Variants in SLC44A3 observed in about 807,000 individuals in gnomAD.
SLC44A3 encodes the protein choline transporter-like protein 3.
SLC44A3 carries 74 observed loss-of-function variants against 75.4 expected under a neutral mutation model. That is an observed-to-expected ratio of 0.98 (90% CI 0.81 to 1.19). SLC44A3 has a LOEUF of 1.19. Among genes scored for constraint, SLC44A3 ranks in the 50% most tolerant of loss-of-function variants. The probability of loss-of-function intolerance (pLI) is 0.00; values close to 1 mark genes in which losing one functional copy is unlikely to be tolerated. For missense variants in SLC44A3, 700 were observed against 778.6 expected (o/e 0.90, Z 1.20); for synonymous variants, 310 against 296.9 (o/e 1.04, Z -0.45).
chr1:94,820,605 A>T lies in SLC44A3; in HGVS notation c.27+127A>T, dbSNP rs375580170. 5.4e-5 allele frequency: 75 copies of T among 1,388,344 alleles called. 1 individual carries two copies. In the East Asian group the frequency reaches 1.8e-3, roughly 33 times the overall value. 86.0% of individuals were successfully genotyped at this position (1,388,344 alleles called of 1,614,324 possible). A position where few individuals can be genotyped will look rare whatever the true frequency, so the allele number is the denominator to read the frequency against. On this transcript the variant is annotated intron_variant, in intron 1 of 14. Coordinates refer to ENST00000271227, the MANE Select transcript of SLC44A3 (RefSeq NM_001114106.3). ...CGCCTCGGGGATCCCGCCCCCGCTTAGTACCTTGGGGCCACCTGGCGGGGA... is the reference window on the plus strand; with the variant it reads ...CGCCTCGGGGATCCCGCCCCCGCTTTGTACCTTGGGGCCACCTGGCGGGGA...
intron 10 of SLC44A3, among the ~76,000 whole-genome samples, chr1:94,858,978 C>A (rs908029032): frequency 6.6e-6 from 1 of 152,114 alleles, no homozygotes; most frequent in Non-Finnish European, 1.5e-5. Flanking sequence ...GGATGAGCCA[C>A]GACACCCGGC....
chr1:94,852,297 G>C (rs576621801), intron 9 of SLC44A3, among the ~76,000 whole-genome samples: 2 of 152,304 alleles, frequency 1.3e-5, no homozygotes, highest in African/African-American at 4.8e-5. Context: ...AAATGCATGA[G>C]GGGGCAGGGT....
chr1:94,891,338 G>A (rs1348107915), intron 13 of SLC44A3, 71 bp downstream of exon 13: 1 of 1,481,030 alleles, frequency 6.8e-7, no homozygotes, highest in Non-Finnish European at 9.1e-7. Context: ...TGGTTTGAAA[G>A]GGAACTATAT....
At chr1:94,839,866 G>T in intron 6 of SLC44A3, 82 bp from the exon 7 acceptor site, 1 of 937,074 alleles carries the variant, frequency 1.1e-6, no homozygotes, top group African/African-American at 1.6e-5. Flanking sequence ...CTGTTCTGGA[G>T]GGTTTTGTCA....
chr1:94,867,151 C>G (rs1667254487), intron 11 of SLC44A3, among the ~76,000 whole-genome samples, 180 bp from the exon 12 acceptor site: 1 of 152,090 alleles, frequency 6.6e-6, no homozygotes, highest in African/African-American at 2.4e-5. Context: ...AGAAATGTTG[C>G]TCCTCAGTAA....
At chr1:94,825,025 G>A (rs773032305) in intron 3 of SLC44A3, among the ~76,000 whole-genome samples, 7 of 152,310 alleles carry the variant, frequency 4.6e-5, no homozygotes, top group South Asian at 2.1e-4. Context: ...GTTACCAATC[G>A]TATATGTTTG....
At chr1:94,857,548 A>G (rs754148511) in intron 10 of SLC44A3, 48 bp downstream of exon 10, 5 of 1,504,628 alleles carry the variant, frequency 3.3e-6, no homozygotes, top group Non-Finnish European at 4.5e-6. Context: ...TGGTTTATCT[A>G]TGTGCTTCAT....
At chr1:94,890,144 C>G (rs1206287732) in intron 12 of SLC44A3, among the ~76,000 whole-genome samples, 2 of 152,248 alleles carry the variant, frequency 1.3e-5, no homozygotes, top group East Asian at 3.8e-4. Context: ...GCCACGGCAC[C>G]TGGCCTATTT....
intron 12 of SLC44A3, among the ~76,000 whole-genome samples, chr1:94,880,903 C>CA (rs10700127): frequency 0.69 from 96,698 of 140,744 alleles, 32,733 homozygotes; most frequent in South Asian, 0.75. Context: ...TTTTTAATGA[C>CA]AAAAAAAAAA....
At chr1:94,852,714 T>A (rs1200331662) in intron 9 of SLC44A3, among the ~76,000 whole-genome samples, 1 of 152,178 alleles carries the variant, frequency 6.6e-6, no homozygotes, top group Non-Finnish European at 1.5e-5. Flanking sequence ...GGAAGTGGCA[T>A]GACATATTAG....
intron 3 of SLC44A3, among the ~76,000 whole-genome samples, chr1:94,826,383 G>T (rs1661344338): frequency 6.6e-6 from 1 of 152,182 alleles, no homozygotes; most frequent in African/African-American, 2.4e-5. Context: ...CTGGTGCAGT[G>T]GCTCATGCCT....
chr1:94,834,850 G>A (rs935786671), intron 5 of SLC44A3, among the ~76,000 whole-genome samples: 5 of 152,162 alleles, frequency 3.3e-5, no homozygotes, highest in African/African-American at 1.2e-4. Context: ...AGTGGGCTAG[G>A]CTTAGTGACT....
chr1:94,881,422 C>T (rs943317501), intron 12 of SLC44A3, among the ~76,000 whole-genome samples: 4 of 152,216 alleles, frequency 2.6e-5, no homozygotes, highest in Non-Finnish European at 4.4e-5. Flanking sequence ...AAGAACCAAT[C>T]GGCCAGGCGC....
In SLC44A3 at chr1:94,840,040, A is replaced by G. The variant is rs750240066; in HGVS notation, c.760+3A>G. ...ATTGGTTATTTTGGGATTGTTGTGT[A>G]AGTATTTCTCTACTTGACTGATTTC... On this transcript the variant is annotated splice_donor_region_variant and intron_variant, in intron 7 of 14. Coordinates refer to ENST00000271227, the MANE Select transcript of SLC44A3 (RefSeq NM_001114106.3). The G allele has an allele frequency of 6.2e-7, 1 of 1,606,754 alleles. No homozygotes were observed. Among genetic ancestry groups the G allele is most frequent in the Non-Finnish European group, 8.5e-7 (1 of 1,173,340 alleles).
chr1:94,848,166 G>T (rs954650634), intron 9 of SLC44A3, among the ~76,000 whole-genome samples: 8 of 151,380 alleles, frequency 5.3e-5, no homozygotes, highest in African/African-American at 7.3e-5. Context: ...GAGGCGGAGG[G>T]TGCAGTGAGC....
At chr1:94,878,192 A>G (rs866774865) in intron 12 of SLC44A3, among the ~76,000 whole-genome samples, 17 of 152,044 alleles carry the variant, frequency 1.1e-4, no homozygotes, top group Admixed American at 2.0e-4. Context: ...CCGAGATCGC[A>G]CCACTGCACT....
At chr1:94,827,152 C>A (rs184635861) in intron 3 of SLC44A3, among the ~76,000 whole-genome samples, 2 of 152,144 alleles carry the variant, frequency 1.3e-5, no homozygotes, top group African/African-American at 4.8e-5. Context: ...ATGTGTTCTC[C>A]GTGGAGTCCA....
intron 12 of SLC44A3, among the ~76,000 whole-genome samples, chr1:94,880,427 T>A (rs859082): frequency 0.98 from 149,163 of 152,318 alleles, 73,083 homozygotes; most frequent in Non-Finnish European, 1. Context: ...TGCTGAAGTA[T>A]ATAAGCCAGT....
intron 12 of SLC44A3, among the ~76,000 whole-genome samples, chr1:94,886,776 A>C (rs528416430): frequency 6.6e-6 from 1 of 152,280 alleles, no homozygotes; most frequent in African/African-American, 2.4e-5. Context: ...AGTCCATTAA[A>C]GTCTGAAAAC....
Sources: gnomAD v4.1 joint callset for allele counts (sites outside exome capture counted in the v4.1 genomes callset) on GRCh38, gnomAD v4.1.1 for gene constraint, MANE v1.5 for transcripts, NCBI Gene and HGNC (gene_info 2026-07-23, HGNC 2026-07-21) for gene names.